Variants in MLF1 observed in about 807,000 individuals in gnomAD.
MLF1 encodes myelodysplasia-myeloid leukemia factor 1.
A neutral mutation model predicts 38.3 loss-of-function variants in MLF1; 37 were observed. The ratio of observed to expected loss-of-function variants is 0.96; its 90% CI spans 0.74 to 1.27. MLF1 has a LOEUF of 1.27. MLF1 is among the 50% of genes most tolerant of loss of function. The pLI, the probability that MLF1 is intolerant of heterozygous loss-of-function variation, is 0.00. For synonymous variants in MLF1, 95 were observed against 106.5 expected, an observed-to-expected ratio of 0.89 and a Z score of 0.66; for missense variants, 331 against 349.2, an observed-to-expected ratio of 0.95 and a Z score of 0.42.
In MLF1 at chr3:158,602,943, A is replaced by G. The variant is rs779516025; in HGVS notation, c.746+4A>G. ...GCTCCCGAGAACTTAAAAGAAGGTAAAAGTTGTTTCTAAAATAGTTTGGTT... is the reference window on the plus strand; with the variant it reads ...GCTCCCGAGAACTTAAAAGAAGGTAGAAGTTGTTTCTAAAATAGTTTGGTT... On this transcript the variant is annotated splice_donor_region_variant and intron_variant, in intron 7 of 7. Coordinates refer to ENST00000466246, the MANE Select transcript of MLF1 (RefSeq NM_001369783.1). 1 of 1,606,882 alleles carries G rather than the reference A, an allele frequency of 6.2e-7. No homozygotes were observed. The highest frequency in any genetic ancestry group is 2.2e-5 in the East Asian group (1 of 44,790).
chr3:158,578,246 G>A (rs1715771536), intron 1 of MLF1, among the ~76,000 whole-genome samples: 1 of 152,088 alleles, frequency 6.6e-6, no homozygotes, highest in Admixed American at 6.6e-5. Context: ...TGGAAGGGAG[G>A]AATTTCCCTT....
intron 3 of MLF1, among the ~76,000 whole-genome samples, chr3:158,596,636 T>G (rs1718920037): frequency 6.6e-6 from 1 of 152,200 alleles, no homozygotes; most frequent in African/African-American, 2.4e-5. Context: ...ATGTTACAGT[T>G]CCCTAATTAT....
At chr3:158,587,927 G>A (rs1024083066) in intron 1 of MLF1, among the ~76,000 whole-genome samples, 1 of 152,176 alleles carries the variant, frequency 6.6e-6, no homozygotes, top group African/African-American at 2.4e-5. Context: ...CATGAACCTG[G>A]GAGGTAGAGC....
At position 158,592,596 on chromosome 3, in the gene MLF1, T is replaced by A; in HGVS notation, c.195+15T>A. Reference sequence around the variant, plus strand: ...ATTCTTTGACTGTAAGTTCTTTTTTTTAAGACAGTTAGTGAGAAGGCCCTG... The same window carrying A: ...ATTCTTTGACTGTAAGTTCTTTTTTATAAGACAGTTAGTGAGAAGGCCCTG... On this transcript the variant is annotated intron_variant, in intron 2 of 7. Transcript: ENST00000466246. The A allele has an allele frequency of 6.4e-7, 1 of 1,572,562 alleles. No homozygotes were observed. Among genetic ancestry groups the A allele is most frequent in the Non-Finnish European group, 8.6e-7 (1 of 1,163,310 alleles).
intron 1 of MLF1, among the ~76,000 whole-genome samples, chr3:158,583,550 G>A (rs1191729088): frequency 6.6e-6 from 1 of 152,128 alleles, no homozygotes; most frequent in East Asian, 1.9e-4. Context: ...TGTAAAAACA[G>A]GAAAGCTACT....
chr3:158,597,550 A>T (rs1719066972), intron 4 of MLF1, among the ~76,000 whole-genome samples: 1 of 152,180 alleles, frequency 6.6e-6, no homozygotes, highest in Non-Finnish European at 1.5e-5. Flanking sequence ...GACCCATAAC[A>T]TTCTAGTCAT....
intron 1 of MLF1, among the ~76,000 whole-genome samples, chr3:158,592,003 A>G (rs978020814): frequency 1.3e-5 from 2 of 152,218 alleles, no homozygotes; most frequent in African/African-American, 4.8e-5. Flanking sequence ...AATGCATTTA[A>G]TACACTTAAC....
At position 158,598,269 on chromosome 3, in the gene MLF1, A is replaced by AT. The variant is rs1288409728; in HGVS notation, c.453+62dup. On this transcript the variant is annotated intron_variant, in intron 5 of 7. Coordinates refer to ENST00000466246, the MANE Select transcript of MLF1 (RefSeq NM_001369783.1). ...AGTTAGGGGATGATAGACTGTCTAG[A>AT]TCAAATTTTAACTATTAAAATTTAA... The AT allele has an allele frequency of 1.2e-5, 18 of 1,539,340 alleles. No homozygotes were observed. The Admixed American group carries it at 1.5e-4, about 13-fold the overall frequency.
intron 7 of MLF1, 91 bp from the exon 8 acceptor site, chr3:158,605,006 A>G (rs1388469759): frequency 1.1e-6 from 1 of 951,144 alleles, no homozygotes; most frequent in African/African-American, 1.7e-5. Context: ...AACTTTTCTT[A>G]TATTACAGTG....
At chr3:158,601,836 T>A (rs1719815128) in intron 6 of MLF1, among the ~76,000 whole-genome samples, 2 of 114,200 alleles carry the variant, frequency 1.8e-5, no homozygotes, top group South Asian at 5.7e-4. Flanking sequence ...TGAGACGGAG[T>A]CTCGCTCTGT....
chr3:158,577,727 C>G (rs1715675969), intron 1 of MLF1, among the ~76,000 whole-genome samples: 1 of 152,096 alleles, frequency 6.6e-6, no homozygotes, highest in African/African-American at 2.4e-5. Context: ...GAATTAGGAG[C>G]CCAGGAACAC....
At chr3:158,589,650 A>T (rs1278565162) in intron 1 of MLF1, among the ~76,000 whole-genome samples, 2 of 152,224 alleles carry the variant, frequency 1.3e-5, no homozygotes, top group Non-Finnish European at 2.9e-5. Context: ...AATTAAAATT[A>T]AAAAACTTGT....
Position 158,593,271 on chromosome 3 carries a change from T to A in MLF1, c.196-111T>A, listed in dbSNP as rs1313646651. The A allele has an allele frequency of 6.6e-6, 5 of 763,156 alleles. No individual in the cohort carries two copies. In the Admixed American group the frequency reaches 1.2e-4, roughly 18 times the overall value. The allele number at this position is 763,156 out of a possible 1,614,324, so 47.3% of individuals were successfully genotyped here. On this transcript the variant is annotated intron_variant, in intron 2 of 7. Transcript: ENST00000466246. Reference sequence around the variant, plus strand: ...TCAGGGGTTTCTATAAAGATGAATCTCAGCAATTGAAATGTAGCAATTTGA... The same window carrying A: ...TCAGGGGTTTCTATAAAGATGAATCACAGCAATTGAAATGTAGCAATTTGA...
intron 7 of MLF1, 60 bp from the exon 8 acceptor site, chr3:158,605,037 G>T (rs2108666308): frequency 8.3e-7 from 1 of 1,203,242 alleles, no homozygotes; most frequent in Non-Finnish European, 1.2e-6. Flanking sequence ...TGTTTGTATT[G>T]ATTTATAAAC....
intron 1 of MLF1, among the ~76,000 whole-genome samples, chr3:158,584,699 G>A (rs1576656648): frequency 7.3e-6 from 1 of 137,082 alleles, no homozygotes; most frequent in East Asian, 2.2e-4. Flanking sequence ...GTGTGTGTGT[G>A]TATACTTTTT....
At chr3:158,574,506 A>T (rs1024542861) in intron 1 of MLF1, among the ~76,000 whole-genome samples, 3 of 36,334 alleles carry the variant, frequency 8.3e-5, no homozygotes, top group Non-Finnish European at 1.4e-4. Context: ...CATCTGTACT[A>T]AAAAAAAAAA....
At chr3:158,600,829 C>G (rs2108649832) in intron 6 of MLF1, among the ~76,000 whole-genome samples, 1 of 151,394 alleles carries the variant, frequency 6.6e-6, no homozygotes, top group South Asian at 2.1e-4. Context: ...ACATGTATGT[C>G]TCTCTCTCTC....
intron 5 of MLF1, 76 bp downstream of exon 5, chr3:158,598,284 T>C: frequency 6.9e-7 from 1 of 1,456,896 alleles, no homozygotes; most frequent in South Asian, 1.3e-5. Flanking sequence ...ATTTTAACTA[T>C]TAAAATTTAA....
chr3:158,579,931 T>A (rs865957883), intron 1 of MLF1, among the ~76,000 whole-genome samples: 14 of 152,342 alleles, frequency 9.2e-5, no homozygotes, highest in African/African-American at 3.4e-4. Context: ...CCTTTTGAAA[T>A]GCCTGTTTTA....
Sources: gnomAD v4.1 joint callset for allele counts (sites outside exome capture counted in the v4.1 genomes callset) on GRCh38, gnomAD v4.1.1 for gene constraint, MANE v1.5 for transcripts, NCBI Gene and HGNC (gene_info 2026-07-23, HGNC 2026-07-21) for gene names.